Variants in SLK observed in about 807,000 individuals in gnomAD.
SLK encodes the protein STE20-like serine/threonine-protein kinase.
In SLK, 67 loss-of-function variants were observed where a neutral mutation model predicts 147.7. The observed-to-expected ratio is 0.45, with a 90% CI of 0.37 to 0.56. The LOEUF (loss-of-function observed/expected upper bound fraction) is 0.56, where lower values mean the gene tolerates loss of function less well. SLK is among the 20% of genes least tolerant of loss of function. The pLI is 0.00. For missense variants in SLK, 1,136 were observed against 1,438.8 expected (o/e 0.79, Z 3.41); for synonymous variants, 441 against 475.0 (o/e 0.93, Z 0.93).
intron 4 of SLK, among the ~76,000 whole-genome samples, chr10:103,997,972 A>G (rs1413124029): frequency 6.6e-6 from 1 of 152,196 alleles, no homozygotes; most frequent in Non-Finnish European, 1.5e-5. Flanking sequence ...TAGTTAGTTG[A>G]CAATTAAAAT....
chr10:103,967,679 G>C lies in SLK; in HGVS notation c.-67G>C, dbSNP rs1486305732. 2 of 1,510,550 alleles carry C rather than the reference G, an allele frequency of 1.3e-6. No homozygotes were observed. Among genetic ancestry groups the C allele is most frequent in the South Asian group, 1.2e-5 (1 of 83,266 alleles). 93.6% of individuals were successfully genotyped at this position (1,510,550 alleles called of 1,614,324 possible). On this transcript the variant is annotated 5_prime_UTR_variant, in exon 1 of 19. Coordinates refer to ENST00000369755, the MANE Select transcript of SLK (RefSeq NM_014720.4). Reference sequence around the variant, plus strand: ...AGCCGGGCTCGCGCGGGAGAGCAGGGAAGAGAAACTTTGCCTTTTATTGTT... The same window carrying C: ...AGCCGGGCTCGCGCGGGAGAGCAGGCAAGAGAAACTTTGCCTTTTATTGTT...
chr10:103,978,237 G>A (rs901945010), intron 1 of SLK, among the ~76,000 whole-genome samples: 2 of 151,978 alleles, frequency 1.3e-5, no homozygotes, highest in African/African-American at 4.8e-5. Flanking sequence ...GAAAGTTATT[G>A]TTTATGTGCT....
intron 9 of SLK, among the ~76,000 whole-genome samples, chr10:104,004,967 A>C (rs1844304702): frequency 6.6e-6 from 1 of 152,132 alleles, no homozygotes; most frequent in African/African-American, 2.4e-5. Context: ...TCATACATAT[A>C]TCTCTGGCCC....
At chr10:104,008,145 A>C (rs1353177710) in intron 11 of SLK, 32 bp from the exon 12 acceptor site, 1 of 1,559,856 alleles carries the variant, frequency 6.4e-7, no homozygotes, top group South Asian at 1.2e-5. Context: ...GGTGATGGAA[A>C]AGTTATCATC....
rs759218775 is a variant in SLK, at chr10:104,020,572, T to C, written c.3406T>C (p.Leu1136=). Residue 1136 remains leucine (L), a synonymous_variant, in exon 17 of 19, where the codon TTG becomes CTG. Transcript: ENST00000369755. ...TGAGAATCAAATGCGAGATCTTCAGTTGCAGTGTGAAGCCAATGTCCGCGA... is the reference window on the plus strand; with the variant it reads ...TGAGAATCAAATGCGAGATCTTCAGCTGCAGTGTGAAGCCAATGTCCGCGA... ...KHENQMRDLQ[L]QCEANVRELH... is the part of the protein sequence containing the mutation. 1.2e-6 allele frequency: 2 copies of C among 1,613,994 alleles called. No individual in the cohort carries two copies. The highest frequency in any genetic ancestry group is 2.2e-5 in the South Asian group (2 of 91,026).
intron 1 of SLK, among the ~76,000 whole-genome samples, chr10:103,985,067 A>T (rs541648995): frequency 6.6e-6 from 1 of 152,340 alleles, no homozygotes; most frequent in South Asian, 2.1e-4. Context: ...ATGTATTGAG[A>T]GACATCATTC....
At chr10:103,979,208 G>A (rs1338323245) in intron 1 of SLK, among the ~76,000 whole-genome samples, 1 of 152,092 alleles carries the variant, frequency 6.6e-6, no homozygotes, top group Non-Finnish European at 1.5e-5. Context: ...GTAGAGATGG[G>A]GTTTCGCCTT....
At chr10:103,997,508 T>A (rs1373234713) in intron 4 of SLK, among the ~76,000 whole-genome samples, 1 of 152,186 alleles carries the variant, frequency 6.6e-6, no homozygotes, top group African/African-American at 2.4e-5. Context: ...CATGCTGTTC[T>A]CCATAGCAAC....
intron 18 of SLK, among the ~76,000 whole-genome samples, chr10:104,024,542 GC>G (rs1232685352): frequency 2.0e-5 from 3 of 152,144 alleles, no homozygotes; most frequent in African/African-American, 7.2e-5. Flanking sequence ...TCGGCTTCCT[GC>G]CTTTGTGCTG....
At position 104,002,811 on chromosome 10, in the gene SLK, A is replaced by G. The variant is rs772263412; in HGVS notation, c.1633A>G (p.Thr545Ala). The G allele has an allele frequency of 4.3e-6, 7 of 1,614,142 alleles. No homozygotes were observed. The South Asian group carries it at 6.6e-5, about 15-fold the overall frequency. The change falls in exon 9 of 19, where the codon ACA becomes GCA. Residue 545 changes from threonine (T) to alanine (A), a missense_variant. Coordinates refer to ENST00000369755, the MANE Select transcript of SLK (RefSeq NM_014720.4). ...DKTQKDVISN[T>A]SDVIGTCEAA... is the part of the protein sequence containing the mutation. ...AACTCAAAAAGATGTGATCAGCAAT[A>G]CAAGTGATGTGATAGGAACATGTGA... is the stretch of plus-strand genomic sequence containing the variant.
At chr10:103,998,862 A>T in intron 4 of SLK, 37 bp from the exon 5 acceptor site, 1 of 1,492,724 alleles carries the variant, frequency 6.7e-7, no homozygotes, top group South Asian at 1.1e-5. Context: ...ACAATGCTTA[A>T]AAGTTCTCAT....
chr10:103,981,461 G>C (rs1038744023), intron 1 of SLK, among the ~76,000 whole-genome samples: 5 of 152,030 alleles, frequency 3.3e-5, no homozygotes, highest in Non-Finnish European at 7.4e-5. Context: ...TCTTCTGAGA[G>C]TTTTATAGTT....
chr10:104,007,834 C>T (rs1844347883), intron 11 of SLK, among the ~76,000 whole-genome samples: 1 of 151,058 alleles, frequency 6.6e-6, no homozygotes, highest in Non-Finnish European at 1.5e-5. Flanking sequence ...GCACTGTAGT[C>T]CCAGCTACTT....
chr10:104,001,678 T>G (rs1844250231), intron 8 of SLK, 106 bp downstream of exon 8: 9 of 1,214,658 alleles, frequency 7.4e-6, no homozygotes, highest in Non-Finnish European at 8.2e-6. Flanking sequence ...AACCTTTAAA[T>G]TTAGACCTGA....
chr10:104,006,298 G>A (rs1844325147), intron 11 of SLK, among the ~76,000 whole-genome samples: 1 of 152,076 alleles, frequency 6.6e-6, no homozygotes. Flanking sequence ...TTTCTCTCAT[G>A]AAAACTTATG....
intron 4 of SLK, among the ~76,000 whole-genome samples, chr10:103,995,303 C>T (rs1264168065): frequency 6.6e-6 from 1 of 151,716 alleles, no homozygotes; most frequent in Non-Finnish European, 1.5e-5. Flanking sequence ...TGTTGGTCTT[C>T]TTGACAGCAC....
intron 7 of SLK, among the ~76,000 whole-genome samples, chr10:104,000,635 CTTCTCA>C (rs904339997): frequency 3.3e-5 from 5 of 152,142 alleles, no homozygotes; most frequent in Non-Finnish European, 7.3e-5. Flanking sequence ...AGTAAAATGG[CTTCTCA>C]TTCTCAAGAA....
At chr10:103,999,430 CTA>C in intron 6 of SLK, 117 bp downstream of exon 6, 1 of 754,914 alleles carries the variant, frequency 1.3e-6, no homozygotes, top group Non-Finnish European at 2.1e-6. Context: ...GGTTCGAAGA[CTA>C]TATGAATTAG....
intron 18 of SLK, among the ~76,000 whole-genome samples, chr10:104,023,208 C>G (rs1386054571): frequency 6.6e-6 from 1 of 152,178 alleles, no homozygotes; most frequent in Non-Finnish European, 1.5e-5. Flanking sequence ...TCTCTGTGTT[C>G]TTTATCCCCT....
Sources: allele counts gnomAD v4.1 joint callset (sites outside exome capture counted in the v4.1 genomes callset), GRCh38; gene constraint gnomAD v4.1.1; transcripts MANE v1.5; gene names NCBI Gene and HGNC (gene_info 2026-07-23, HGNC 2026-07-21).